The following PIP5K1B variants were observed in gnomAD, a reference collection of about 807,000 sequenced individuals.
PIP5K1B encodes the protein phosphatidylinositol-4-phosphate 5-kinase type 1 beta.
PIP5K1B carries 42 observed loss-of-function variants against 67.0 expected under a neutral mutation model. That is an observed-to-expected ratio of 0.63 (90% CI 0.49 to 0.81). The LOEUF is 0.81. PIP5K1B is among the 30% of genes least tolerant of loss of function. The pLI is 0.00. For synonymous variants in PIP5K1B, 214 were observed against 231.4 expected (o/e 0.92, Z 0.68); for missense variants, 459 against 646.3 (o/e 0.71, Z 3.14).
intron 1 of PIP5K1B, among the ~76,000 whole-genome samples, chr9:68,731,683 C>T (rs1229147470): frequency 6.6e-6 from 1 of 152,158 alleles, no homozygotes; most frequent in African/African-American, 2.4e-5. Flanking sequence ...GGTAAAAGTA[C>T]TGAATGTGGC....
Position 68,940,028 on chromosome 9 carries a change from G to A in PIP5K1B, c.1358-618G>A, listed in dbSNP as rs75267281. ...GGCTCTCGCATAAGTAATTTCATGG[G>A]CCCCTAAGTTTTAAAGAAAAAATAA... is the stretch of plus-strand genomic sequence containing the variant. On this transcript the variant is annotated intron_variant, in intron 13 of 15. Transcript: ENST00000265382. Among the ~76,000 whole-genome samples, 65 of 152,192 alleles carry A rather than the reference G, an allele frequency of 4.3e-4. 1 individual carries two copies. The highest frequency in any genetic ancestry group is 1.4e-3 in the African/African-American group (60 of 41,512).
chr9:68,845,740 G>A (rs1011920258), intron 4 of PIP5K1B, among the ~76,000 whole-genome samples: 1 of 152,186 alleles, frequency 6.6e-6, no homozygotes, highest in Non-Finnish European at 1.5e-5. Flanking sequence ...GGGGAAAATA[G>A]CATCTTGACT....
chr9:68,831,547 C>T (rs1834321254), intron 4 of PIP5K1B, among the ~76,000 whole-genome samples: 1 of 152,184 alleles, frequency 6.6e-6, no homozygotes, highest in South Asian at 2.1e-4. Context: ...GCATTATTGT[C>T]TGAATGCTGT....
chr9:68,711,014 G>A (rs1284469972), intron 1 of PIP5K1B, among the ~76,000 whole-genome samples: 1 of 152,162 alleles, frequency 6.6e-6, no homozygotes, highest in Non-Finnish European at 1.5e-5. Context: ...AGTACTAGGG[G>A]TCCAGAGATT....
chr9:68,843,605 A>G (rs1822033971), intron 4 of PIP5K1B, among the ~76,000 whole-genome samples: 1 of 152,198 alleles, frequency 6.6e-6, no homozygotes, highest in African/African-American at 2.4e-5. Flanking sequence ...GAAGTCCAGC[A>G]TCAGGACCAC....
chr9:68,760,540 C>T (rs1295100346), intron 2 of PIP5K1B, among the ~76,000 whole-genome samples: 4 of 152,008 alleles, frequency 2.6e-5, no homozygotes, highest in African/African-American at 9.7e-5. Flanking sequence ...AGTTGTTGGC[C>T]TATCTAGTTG....
intron 4 of PIP5K1B, among the ~76,000 whole-genome samples, chr9:68,859,381 G>C (rs1317430569): frequency 6.6e-6 from 1 of 152,168 alleles, no homozygotes; most frequent in South Asian, 2.1e-4. Context: ...CTTTCTCCAA[G>C]TATCAAATGC....
chr9:68,922,462 A>AAAAAAAAG (rs924725009), intron 11 of PIP5K1B, among the ~76,000 whole-genome samples: 1 of 152,036 alleles, frequency 6.6e-6, no homozygotes, highest in Non-Finnish European at 1.5e-5. Flanking sequence ...CTCTGTCTCA[A>AAAAAAAAG]AAAAAAAGAA....
chr9:68,955,744 T>G (rs989706380), intron 14 of PIP5K1B, among the ~76,000 whole-genome samples: 3 of 152,246 alleles, frequency 2.0e-5, no homozygotes, highest in Admixed American at 2.0e-4. Flanking sequence ...ACTTTTATAG[T>G]AATATTTATG....
At chr9:68,771,458 T>C (rs914451230) in intron 2 of PIP5K1B, among the ~76,000 whole-genome samples, 5 of 152,160 alleles carry the variant, frequency 3.3e-5, no homozygotes, top group Admixed American at 3.3e-4. Context: ...GTGTATTTCA[T>C]GTGTGTCAAT....
chr9:68,786,042 G>A (rs1025155431), intron 2 of PIP5K1B: 2 of 152,148 alleles, frequency 1.3e-5, no homozygotes, highest in African/African-American at 4.8e-5. Flanking sequence ...CTAGAAATCA[G>A]AAATACTGAT....
In PIP5K1B at chr9:68,889,031, T is replaced by G; in HGVS notation, c.369T>G (p.Ser123Arg). ...PLIELSNPGA[S>R]GSLFFVTSDD... ...TAGAACTGTCTAACCCTGGAGCCAG[T>G]GGATCCTTGTTTTTTGTGACCAGTG... The change falls in exon 7 of 16, where the codon AGT (serine) becomes AGG (arginine). Residue 123 changes from serine (S) to arginine (R), a missense_variant. Physicochemically the swap from Ser to Arg is moderately radical, Grantham distance 110. Coordinates refer to ENST00000265382, the MANE Select transcript of PIP5K1B (RefSeq NM_003558.4). 6.2e-7 allele frequency: 1 copy of G among 1,612,582 alleles called. No homozygotes were observed. Among genetic ancestry groups the G allele is most frequent in the Non-Finnish European group, 8.5e-7 (1 of 1,178,586 alleles).
chr9:68,848,826 T>C (rs1383497030), intron 4 of PIP5K1B, among the ~76,000 whole-genome samples: 1 of 152,206 alleles, frequency 6.6e-6, no homozygotes, highest in African/African-American at 2.4e-5. Context: ...TATTAGTGTA[T>C]AACCATAAAA....
intron 2 of PIP5K1B, chr9:68,789,287 G>A (rs748535275): frequency 3.1e-5 from 13 of 415,702 alleles, no homozygotes; most frequent in Admixed American, 6.0e-5. Context: ...TATTTGACTC[G>A]GTAGCCAACG....
chr9:69,001,580 C>G (rs952646056), intron 15 of PIP5K1B, among the ~76,000 whole-genome samples: 3 of 152,102 alleles, frequency 2.0e-5, no homozygotes, highest in African/African-American at 7.2e-5. Flanking sequence ...GAAGGGGAAG[C>G]CAGGCACATC....
At chr9:68,922,460 C>CAAAAAAAAAGAAAGAAA (rs71353092) in intron 11 of PIP5K1B, among the ~76,000 whole-genome samples, 1 of 128,256 alleles carries the variant, frequency 7.8e-6, no homozygotes, top group Non-Finnish European at 1.6e-5. Flanking sequence ...GACTCTGTCT[C>CAAAAAAAAAGAAAGAAA]AAAAAAAAAG....
intron 2 of PIP5K1B, among the ~76,000 whole-genome samples, chr9:68,747,076 CATTCTTTCCCTGCCTACTCCATA>C (rs1311031952): frequency 1.3e-5 from 2 of 151,812 alleles, no homozygotes; most frequent in Non-Finnish European, 2.9e-5. Flanking sequence ...CCTTCCCTCT[CATTCTTTCCCTGCCTACTCCATA>C]GACAGTCCTA....
intron 14 of PIP5K1B, among the ~76,000 whole-genome samples, chr9:68,947,456 G>A (rs1396472649): frequency 1.3e-5 from 2 of 152,200 alleles, no homozygotes; most frequent in Non-Finnish European, 1.5e-5. Flanking sequence ...TGCCTTGACT[G>A]ACAGGACCTA....
chr9:68,796,629 G>A (rs1195081533), intron 2 of PIP5K1B, among the ~76,000 whole-genome samples: 3 of 152,150 alleles, frequency 2.0e-5, no homozygotes, highest in East Asian at 1.9e-4. Flanking sequence ...ATGATGCTCC[G>A]AGGTTGTCTT....
Sources: allele counts gnomAD v4.1 joint callset (sites outside exome capture counted in the v4.1 genomes callset), GRCh38; gene constraint gnomAD v4.1.1; transcripts MANE v1.5; gene names NCBI Gene and HGNC (gene_info 2026-07-23, HGNC 2026-07-21).